PACRG: variants seen among roughly 807,000 people sequenced by gnomAD.
PACRG encodes the protein parkin coregulated gene protein.
In PACRG, 29 loss-of-function variants were observed where a neutral mutation model predicts 29.7. The observed-to-expected ratio is 0.98, with a 90% CI of 0.73 to 1.33. The LOEUF (loss-of-function observed/expected upper bound fraction) is 1.33. Ranked by LOEUF, PACRG falls within the 40% of genes most tolerant of loss-of-function variation. The pLI, the probability that PACRG is intolerant of heterozygous loss-of-function variation, is 0.00. For synonymous variants in PACRG, 116 were observed against 118.7 expected (o/e 0.98, Z 0.15); for missense variants, 279 against 316.2 (o/e 0.88, Z 0.89).
chr6:162,876,987 G>A (rs934348925), intron 2 of PACRG, among the ~76,000 whole-genome samples: 1 of 152,202 alleles, frequency 6.6e-6, no homozygotes, highest in African/African-American at 2.4e-5. Flanking sequence ...CACTGTTGGT[G>A]GGAGTGTAAA....
intron 1 of PACRG, among the ~76,000 whole-genome samples, chr6:162,786,804 T>C (rs936043362): frequency 1.3e-5 from 2 of 152,164 alleles, no homozygotes; most frequent in Admixed American, 6.5e-5. Flanking sequence ...AAGGTTGTTA[T>C]TGTGAATTGT....
intron 4 of PACRG, among the ~76,000 whole-genome samples, chr6:163,207,511 A>G (rs1780956510): frequency 6.6e-6 from 1 of 152,208 alleles, no homozygotes; most frequent in Admixed American, 6.5e-5. Context: ...TTTCCATGAT[A>G]TTCAACTCCC....
At chr6:162,822,835 AT>A (rs1787952989) in intron 2 of PACRG, among the ~76,000 whole-genome samples, 1 of 152,146 alleles carries the variant, frequency 6.6e-6, no homozygotes, top group South Asian at 2.1e-4. Flanking sequence ...ACATCTTTGT[AT>A]TCTATTAATG....
At chr6:162,837,826 A>C (rs1435019435) in intron 2 of PACRG, among the ~76,000 whole-genome samples, 1 of 152,204 alleles carries the variant, frequency 6.6e-6, no homozygotes, top group Non-Finnish European at 1.5e-5. Flanking sequence ...CAGTCATCAA[A>C]GGCATCTGGA....
chr6:163,285,468 T>G (rs534094808), intron 4 of PACRG, among the ~76,000 whole-genome samples: 3 of 152,312 alleles, frequency 2.0e-5, no homozygotes, highest in Non-Finnish European at 1.5e-5. Flanking sequence ...TGAATCCCCA[T>G]GAGGTCAAAG....
rs922327558 is a variant in PACRG at position 162,888,479 on chromosome 6, A to G, written c.291+74198A>G. On this transcript the variant is annotated intron_variant, in intron 2 of 4. Coordinates refer to ENST00000366888, the MANE Select transcript of PACRG (RefSeq NM_001080379.2). Reference sequence around the variant, plus strand: ...GGACTTGTCTGCTTGGAGATAAGGCACAGTCATTTCATCTCCAACTGCTGC... The same window carrying G: ...GGACTTGTCTGCTTGGAGATAAGGCGCAGTCATTTCATCTCCAACTGCTGC... 2.0e-5 allele frequency among the ~76,000 whole-genome samples: 3 copies of G among 152,056 alleles called. No individual in the cohort carries two copies. The South Asian group carries it at 6.2e-4, about 32-fold the overall frequency.
At chr6:163,224,582 G>A (rs1781714099) in intron 4 of PACRG, among the ~76,000 whole-genome samples, 1 of 152,022 alleles carries the variant, frequency 6.6e-6, no homozygotes, top group Non-Finnish European at 1.5e-5. Flanking sequence ...ACATAACACA[G>A]GGAAGGGACA....
intron 4 of PACRG, among the ~76,000 whole-genome samples, chr6:163,292,602 A>ATTTATTTATTTATTTATTTATTTG (rs35254999): frequency 3.4e-4 from 51 of 150,148 alleles, no homozygotes; most frequent in Admixed American, 4.0e-4. Context: ...TTATTTATTT[A>ATTTATTTATTTATTTATTTATTTG]TTAGTAGAGA....
chr6:162,838,146 T>G (rs1388930439), intron 2 of PACRG, among the ~76,000 whole-genome samples: 2 of 152,286 alleles, frequency 1.3e-5, no homozygotes, highest in South Asian at 4.1e-4. Context: ...ATATTCAACG[T>G]AAGTATTTTT....
At chr6:163,285,282 G>A (rs1489483180) in intron 4 of PACRG, among the ~76,000 whole-genome samples, 1 of 151,970 alleles carries the variant, frequency 6.6e-6, no homozygotes, top group African/African-American at 2.4e-5. Context: ...CTCTTTGCCT[G>A]TGATCCTTTA....
At chr6:163,285,436 A>C (rs1468091328) in intron 4 of PACRG, among the ~76,000 whole-genome samples, 1 of 152,046 alleles carries the variant, frequency 6.6e-6, no homozygotes, top group Non-Finnish European at 1.5e-5. Flanking sequence ...GATTTATTTA[A>C]AGCTCCTCTT....
At chr6:162,995,760 C>G (rs894573954) in intron 2 of PACRG, among the ~76,000 whole-genome samples, 4 of 152,204 alleles carry the variant, frequency 2.6e-5, no homozygotes, top group Admixed American at 6.5e-5. Context: ...CATCTTGGCT[C>G]CTAGTACTTC....
intron 2 of PACRG, among the ~76,000 whole-genome samples, chr6:162,874,211 G>C (rs945099432): frequency 7.3e-5 from 11 of 150,550 alleles, no homozygotes; most frequent in Admixed American, 4.0e-4. Context: ...AAATAGTTGA[G>C]TTTTTTTGTA....
At chr6:162,953,501 T>G (rs2128134688) in intron 2 of PACRG, among the ~76,000 whole-genome samples, 1 of 152,310 alleles carries the variant, frequency 6.6e-6, no homozygotes, top group Middle Eastern at 3.4e-3. Flanking sequence ...CAATACATTT[T>G]ATCTAGTAAA....
At chr6:162,916,203 A>T (rs1455701838) in intron 2 of PACRG, among the ~76,000 whole-genome samples, 3 of 152,178 alleles carry the variant, frequency 2.0e-5, no homozygotes, top group Non-Finnish European at 4.4e-5. Context: ...CACTCTAAAG[A>T]TGCTATTCTA....
chr6:162,791,480 A>G (rs1186730486), intron 1 of PACRG, among the ~76,000 whole-genome samples: 1 of 152,104 alleles, frequency 6.6e-6, no homozygotes, highest in East Asian at 1.9e-4. Context: ...GTTATTTCAA[A>G]CAATGTATTT....
chr6:162,959,991 C>A (rs990048237), intron 2 of PACRG, among the ~76,000 whole-genome samples: 4 of 152,098 alleles, frequency 2.6e-5, no homozygotes, highest in African/African-American at 9.7e-5. Context: ...AAGCAGCCAA[C>A]AAACATATGA....
chr6:162,787,608 A>G (rs1302061297), intron 1 of PACRG, among the ~76,000 whole-genome samples: 1 of 139,704 alleles, frequency 7.2e-6, no homozygotes, highest in Non-Finnish European at 1.5e-5. Context: ...ATATATATAT[A>G]TATATATATA....
chr6:163,181,843 A>G (rs1178822033), intron 4 of PACRG, among the ~76,000 whole-genome samples: 1 of 152,134 alleles, frequency 6.6e-6, no homozygotes, highest in Non-Finnish European at 1.5e-5. Flanking sequence ...GAAGGCTTCC[A>G]AGGCCCGGGA....
Sources: allele counts gnomAD v4.1 joint callset (sites outside exome capture counted in the v4.1 genomes callset), GRCh38; gene constraint gnomAD v4.1.1; transcripts MANE v1.5; gene names NCBI Gene and HGNC (gene_info 2026-07-23, HGNC 2026-07-21).